ADAMTS9: variants seen among roughly 807,000 people sequenced by gnomAD.
ADAMTS9 encodes the protein ADAM metallopeptidase with thrombospondin type 1 motif 9.
ADAMTS9 carries 107 observed loss-of-function variants against 257.1 expected under a neutral mutation model. The observed-to-expected ratio is 0.42, with a 90% CI of 0.36 to 0.49. ADAMTS9 has a LOEUF of 0.49. ADAMTS9 is among the 20% of genes least tolerant of loss of function. The pLI is 0.03. For synonymous variants in ADAMTS9, 982 were observed against 880.9 expected (o/e 1.11, Z -2.03); for missense variants, 2,353 against 2,469.1 (o/e 0.95, Z 1.00).
intron 2 of ADAMTS9, among the ~76,000 whole-genome samples, chr3:64,682,127 C>A (rs1042000474): frequency 6.6e-5 from 10 of 152,300 alleles, no homozygotes; most frequent in South Asian, 2.1e-4. Flanking sequence ...GGCTTTGAAG[C>A]CAGATTGCCC....
rs1046905113 is a variant in ADAMTS9, at chr3:64,603,998, G to A, written c.3671C>T (p.Thr1224Ile). ...GSVADESACA[T>I]LPRPVAKEEC... ...TTCCTTTGCCACTGGTCTAGGCAGG[G>A]TAGCACAGGCACTCTCGTCAGCCAC... The change falls in exon 25 of 40, where the codon ACC (threonine) becomes ATC (isoleucine). Residue 1224 changes from threonine to isoleucine, a missense_variant. By Grantham distance (89) the Thr-to-Ile change is moderately conservative (BLOSUM62 -1). This residue lies in a region of ADAMTS9 where 1,402 missense variants were observed against 1,441.4 expected (regional missense o/e 0.97). Transcript: ENST00000498707. 6.2e-7 allele frequency: 1 copy of A among 1,614,014 alleles called. No homozygotes were observed. The highest frequency in any genetic ancestry group is 1.7e-5 in the Admixed American group (1 of 60,006).
At chr3:64,528,465 A>G (rs867168797) in intron 38 of ADAMTS9, among the ~76,000 whole-genome samples, 6 of 152,260 alleles carry the variant, frequency 3.9e-5, no homozygotes, top group South Asian at 4.1e-4. Flanking sequence ...AAGCAGAGTG[A>G]GGAGAAACTT....
chr3:64,597,746 T>C (rs1003669884), intron 26 of ADAMTS9, among the ~76,000 whole-genome samples: 2 of 152,236 alleles, frequency 1.3e-5, no homozygotes, highest in African/African-American at 2.4e-5. Flanking sequence ...AAGCCTCTCA[T>C]AGTTCACTTA....
At chr3:64,607,889 T>C (rs993144603) in intron 22 of ADAMTS9, among the ~76,000 whole-genome samples, 7 of 152,056 alleles carry the variant, frequency 4.6e-5, no homozygotes, top group African/African-American at 1.7e-4. Flanking sequence ...AGACCATACG[T>C]TAGGCTGCAA....
chr3:64,676,893 A>G (rs1701635806), intron 3 of ADAMTS9, among the ~76,000 whole-genome samples: 1 of 152,202 alleles, frequency 6.6e-6, no homozygotes, highest in South Asian at 2.1e-4. Context: ...GAGTTAGAGA[A>G]AAACACTTGC....
chr3:64,622,238 G>C lies in ADAMTS9; in HGVS notation c.2646C>G (p.Asn882Lys). 1.2e-6 allele frequency: 2 copies of C among 1,613,994 alleles called. No individual in the cohort carries two copies. Among genetic ancestry groups the C allele is most frequent in the Non-Finnish European group, 1.7e-6 (2 of 1,179,966 alleles). Residue 882 changes from asparagine to lysine, a missense_variant, in exon 18 of 40, where the codon AAC becomes AAG. Coordinates refer to ENST00000498707, the MANE Select transcript of ADAMTS9 (RefSeq NM_182920.2). The part of the protein sequence containing the change: ...IEDKPQQFYW[N>K]SHGPWQACSK... ...TGCATGCTTGCCATGGCCCATGACT[G>C]TTCCAGTAAAACTGCTGAGGTTTAT...
At chr3:64,612,127 T>C (rs1278757773) in intron 22 of ADAMTS9, among the ~76,000 whole-genome samples, 1 of 152,114 alleles carries the variant, frequency 6.6e-6, no homozygotes, top group African/African-American at 2.4e-5. Flanking sequence ...TTTTGCAAAA[T>C]TTCTCTTATG....
At chr3:64,602,508 T>C (rs916446125) in intron 25 of ADAMTS9, among the ~76,000 whole-genome samples, 3 of 152,196 alleles carry the variant, frequency 2.0e-5, no homozygotes, top group Non-Finnish European at 4.4e-5. Flanking sequence ...CTTACATTGA[T>C]CTACTAGACC....
At chr3:64,578,655 A>G (rs1357904347) in intron 28 of ADAMTS9, among the ~76,000 whole-genome samples, 1 of 152,194 alleles carries the variant, frequency 6.6e-6, no homozygotes, top group Non-Finnish European at 1.5e-5. Flanking sequence ...CTCAAACTTA[A>G]CATGTTCAAA....
At chr3:64,531,840 G>A (rs1274426531) in intron 38 of ADAMTS9, among the ~76,000 whole-genome samples, 1 of 152,218 alleles carries the variant, frequency 6.6e-6, no homozygotes. Flanking sequence ...ACCCCAGGCA[G>A]GGCTCCTGGC....
intron 11 of ADAMTS9, among the ~76,000 whole-genome samples, chr3:64,647,699 C>T (rs566243855): frequency 5.9e-5 from 9 of 152,352 alleles, no homozygotes; most frequent in Admixed American, 5.9e-4. Context: ...CTTAAGTTGA[C>T]AGAATGTCTT....
chr3:64,522,722 G>C (rs1006795819), intron 38 of ADAMTS9, among the ~76,000 whole-genome samples: 2 of 151,964 alleles, frequency 1.3e-5, no homozygotes, highest in Non-Finnish European at 2.9e-5. Context: ...TTTAATTTGA[G>C]AGTGTTTTGA....
At chr3:64,644,194 T>TTA (rs925256781) in intron 11 of ADAMTS9, among the ~76,000 whole-genome samples, 26 of 152,328 alleles carry the variant, frequency 1.7e-4, no homozygotes, top group African/African-American at 6.0e-4. Context: ...GTTCTAAGCA[T>TTA]TATATATACA....
Position 64,615,555 on chromosome 3 carries a change from A to G in ADAMTS9, c.3025-70T>C. ...ATAAAGTATGCTGAAGATCCTGGCT[A>G]TGTTGTCTCTTCCAGCTCTTAAGAA... On this transcript the variant is annotated intron_variant, in intron 20 of 39. Coordinates refer to ENST00000498707, the MANE Select transcript of ADAMTS9 (RefSeq NM_182920.2). 2.0e-6 allele frequency: 3 copies of G among 1,466,632 alleles called. No individual in the cohort carries two copies. The South Asian group carries it at 4.1e-5, about 20-fold the overall frequency. The allele number at this position is 1,466,632 out of a possible 1,614,324, so 90.9% of individuals were successfully genotyped here. A position where few individuals can be genotyped will look rare whatever the true frequency, so the allele number is the denominator to read the frequency against.
At chr3:64,657,097 C>A (rs905534320) in intron 4 of ADAMTS9, among the ~76,000 whole-genome samples, 4 of 152,072 alleles carry the variant, frequency 2.6e-5, no homozygotes, top group Non-Finnish European at 5.9e-5. Context: ...TGAAAAGAAG[C>A]TGTATATGCG....
intron 10 of ADAMTS9, 111 bp from the exon 11 acceptor site, chr3:64,648,155 G>C (rs1700842509): frequency 1.1e-6 from 1 of 942,260 alleles, no homozygotes; most frequent in Non-Finnish European, 1.6e-6. Flanking sequence ...AGGGTAAGTG[G>C]GGAAGGAAAT....
intron 38 of ADAMTS9, among the ~76,000 whole-genome samples, chr3:64,529,196 G>A (rs1181310519): frequency 6.6e-6 from 1 of 152,192 alleles, no homozygotes; most frequent in Non-Finnish European, 1.5e-5. Flanking sequence ...CCATAATTAG[G>A]TTAAAACCAG....
At chr3:64,623,784 T>C (rs1034547447) in intron 16 of ADAMTS9, among the ~76,000 whole-genome samples, 1 of 152,214 alleles carries the variant, frequency 6.6e-6, no homozygotes, top group Admixed American at 6.5e-5. Flanking sequence ...ATGGTAAGAA[T>C]GTTGGGATCA....
At chr3:64,606,839 T>C in intron 23 of ADAMTS9, 121 bp downstream of exon 23, 1 of 1,226,474 alleles carries the variant, frequency 8.2e-7, no homozygotes, top group Non-Finnish European at 1.1e-6. Context: ...GACAAATTAA[T>C]CTACTGGTTG....
Sources: allele counts gnomAD v4.1 joint callset (sites outside exome capture counted in the v4.1 genomes callset), GRCh38; gene constraint gnomAD v4.1.1; regional missense constraint gnomAD v4.1.1; transcripts MANE v1.5; gene names NCBI Gene and HGNC (gene_info 2026-07-23, HGNC 2026-07-21).